The following PCDHGA2 variants were observed in gnomAD, a reference collection of about 807,000 sequenced individuals.
PCDHGA2 encodes the protein protocadherin gamma subfamily A, 2.
PCDHGA2 carries 40 observed loss-of-function variants against 59.2 expected under a neutral mutation model. The ratio of observed to expected loss-of-function variants is 0.68; its 90% CI spans 0.52 to 0.88. The LOEUF (loss-of-function observed/expected upper bound fraction) is 0.88. PCDHGA2 is among the 40% of genes least tolerant of loss of function. The probability of loss-of-function intolerance (pLI) is 0.00; values close to 1 mark genes in which losing one functional copy is unlikely to be tolerated. For missense variants in PCDHGA2, 1,226 were observed against 1,204.0 expected, an observed-to-expected ratio of 1.02 and a Z score of -0.27; for synonymous variants, 560 against 526.0, an observed-to-expected ratio of 1.06 and a Z score of -0.89.
chr5:141,476,523 C>G lies in PCDHGA2; in HGVS notation c.2425-18284C>G. On this transcript the variant is annotated intron_variant, in intron 1 of 3. Transcript: ENST00000394576. This position sits in a 1 kb window ranked among gnomAD's most constrained non-coding sequence, Gnocchi z 7.6. ...ATCAACGACAACAATCCTGCTTTCC[C>G]TACCCAGGAAATGAAATTGGAGATT... is the stretch of plus-strand genomic sequence containing the variant. 1 of 1,614,218 alleles carries G rather than the reference C, an allele frequency of 6.2e-7. No individual in the cohort carries two copies.
At chr5:141,380,956 A>G (rs1776884378) in intron 1 of PCDHGA2, among the ~76,000 whole-genome samples, 1 of 152,252 alleles carries the variant, frequency 6.6e-6, no homozygotes, top group African/African-American at 2.4e-5. Context: ...CAAGAAGTTC[A>G]AAAGTACTAT....
intron 1 of PCDHGA2, chr5:141,360,421 T>A: frequency 6.2e-7 from 1 of 1,613,968 alleles, no homozygotes; most frequent in Non-Finnish European, 8.5e-7. Flanking sequence ...AGAACAGATA[T>A]GCGGGAAGCA....
intron 1 of PCDHGA2, chr5:141,419,472 G>A (rs1392935171): frequency 6.2e-7 from 1 of 1,612,330 alleles, no homozygotes; most frequent in Non-Finnish European, 8.5e-7. Flanking sequence ...CGCGACCAGG[G>A]CTCGCCCGCG....
At chr5:141,392,922 G>A (rs2092629176) in intron 1 of PCDHGA2, 1 of 1,613,946 alleles carries the variant, frequency 6.2e-7, no homozygotes, top group African/African-American at 1.3e-5. Context: ...CTCTGTGCCA[G>A]AAGAGACGGA....
At chr5:141,382,597 A>G (rs1231482807) in intron 1 of PCDHGA2, 7 of 256,092 alleles carry the variant, frequency 2.7e-5, no homozygotes, top group African/African-American at 6.6e-5. Context: ...AGATGAAACA[A>G]TTTTCTATGA....
In PCDHGA2 at chr5:141,412,906, T is replaced by C. The variant is rs188124118; in HGVS notation, c.2424+71511T>C. ...ACAGAATAGTTTACTTTCCATTGCA[T>C]GTATCACTTGGGTGCAGTAACTTCT... On this transcript the variant is annotated intron_variant, in intron 1 of 3. Coordinates refer to ENST00000394576, the MANE Select transcript of PCDHGA2 (RefSeq NM_018915.4). 315 of 384,208 alleles carry C rather than the reference T, an allele frequency of 8.2e-4. 2 individuals carry two copies. Among genetic ancestry groups the C allele is most frequent in the African/African-American group, 5.6e-3 (272 of 48,326 alleles). The allele number at this position is 384,208 out of a possible 1,614,324, so 23.8% of individuals were successfully genotyped here. A position where few individuals can be genotyped will look rare whatever the true frequency, so the allele number is the denominator to read the frequency against.
chr5:141,487,031 G>A lies in PCDHGA2; in HGVS notation c.2425-7776G>A, dbSNP rs749130369. 1.2e-6 allele frequency: 2 copies of A among 1,614,182 alleles called. No homozygotes were observed. Among genetic ancestry groups the A allele is most frequent in the Non-Finnish European group, 1.7e-6 (2 of 1,180,028 alleles). On this transcript the variant is annotated intron_variant, in intron 1 of 3. Coordinates refer to ENST00000394576, the MANE Select transcript of PCDHGA2 (RefSeq NM_018915.4). The surrounding 1 kb of genome is among the most constrained non-coding windows in gnomAD (Gnocchi z 5.0). ...GGAGGCCCCAGATCCCAGCCTGTTT[G>A]CAGTCTCTCGATATGCTGGGGAGGT...
At chr5:141,379,014 T>C (rs1440666109) in intron 1 of PCDHGA2, 2 of 152,222 alleles carry the variant, frequency 1.3e-5, no homozygotes, top group South Asian at 4.1e-4. Context: ...TCTCCAGTCA[T>C]GAGTTGGAAG....
chr5:141,474,566 G>A (rs2154572064), intron 1 of PCDHGA2, among the ~76,000 whole-genome samples: 1 of 152,336 alleles, frequency 6.6e-6, no homozygotes, highest in Non-Finnish European at 1.5e-5. Flanking sequence ...GGTTTTCAGA[G>A]ATTAATTGAA....
At chr5:141,446,128 G>T (rs1242643475) in intron 1 of PCDHGA2, among the ~76,000 whole-genome samples, 1 of 152,188 alleles carries the variant, frequency 6.6e-6, no homozygotes, top group Admixed American at 6.5e-5. Context: ...GGTTCAATAA[G>T]ACTTAATAAT....
At chr5:141,496,888 T>TAA (rs35063790) in intron 2 of PCDHGA2, among the ~76,000 whole-genome samples, 141 of 134,106 alleles carry the variant, frequency 1.1e-3, no homozygotes, top group East Asian at 2.4e-3. Context: ...AAGTAACACT[T>TAA]AAAAAAAAAA....
chr5:141,446,800 G>C (rs1332771959), intron 1 of PCDHGA2, among the ~76,000 whole-genome samples: 1 of 152,150 alleles, frequency 6.6e-6, no homozygotes, highest in African/African-American at 2.4e-5. Flanking sequence ...TTCTTCCATT[G>C]TGATCATCTA....
Position 141,361,516 on chromosome 5 carries a change from G to A in PCDHGA2, c.2424+20121G>A, listed in dbSNP as rs750174731. ...CCAACAGACTTCCTACATGGTTCAC[G>A]TGGCAGAGAACAATCCTCCTGGCGC... is the stretch of plus-strand genomic sequence containing the variant. On this transcript the variant is annotated intron_variant, in intron 1 of 3. Coordinates refer to ENST00000394576, the MANE Select transcript of PCDHGA2 (RefSeq NM_018915.4). The A allele has an allele frequency of 8.7e-6, 14 of 1,613,942 alleles. No homozygotes were observed. Among genetic ancestry groups the A allele is most frequent in the South Asian group, 7.7e-5 (7 of 91,088 alleles).
chr5:141,370,997 C>A (rs1449241372), intron 1 of PCDHGA2: 1 of 1,613,866 alleles, frequency 6.2e-7, no homozygotes, highest in Non-Finnish European at 8.5e-7. Flanking sequence ...CACCCCTGGA[C>A]AGGGAAGAGC....
intron 1 of PCDHGA2, among the ~76,000 whole-genome samples, chr5:141,459,619 A>G (rs995987344): frequency 6.6e-6 from 1 of 152,238 alleles, no homozygotes; most frequent in Non-Finnish European, 1.5e-5. Context: ...TTAACTTTAT[A>G]AGAAGCTGCC....
intron 3 of PCDHGA2, 89 bp from the exon 4 acceptor site, chr5:141,510,858 T>C (rs992991460): frequency 5.8e-5 from 93 of 1,606,182 alleles, no homozygotes; most frequent in South Asian, 1.0e-4. Flanking sequence ...GGGTGCTGTA[T>C]AGGCATTCAT....
rs1758397732 is a variant in PCDHGA2, at chr5:141,350,060, G to A, written c.2424+8665G>A. 3 of 412,496 alleles carry A rather than the reference G, an allele frequency of 7.3e-6. No individual in the cohort carries two copies. In the East Asian group the frequency reaches 1.1e-4, roughly 15 times the overall value. 25.6% of individuals were successfully genotyped at this position (412,496 alleles called of 1,614,324 possible). On this transcript the variant is annotated intron_variant, in intron 1 of 3. Coordinates refer to ENST00000394576, the MANE Select transcript of PCDHGA2 (RefSeq NM_018915.4). ...GGGCGCCGCTGTCGACCAAAAGGAA[G>A]TGAAGGCTTCTCAATTCTGCAGGAG...
intron 1 of PCDHGA2, among the ~76,000 whole-genome samples, chr5:141,452,835 C>A (rs2098750110): frequency 6.6e-6 from 1 of 152,154 alleles, no homozygotes; most frequent in Admixed American, 6.5e-5. Flanking sequence ...TCACTTGGTC[C>A]AGCCCACACT....
chr5:141,491,312 C>T lies in PCDHGA2; in HGVS notation c.2425-3495C>T, dbSNP rs749198887. The stretch of plus-strand genomic sequence containing the variant: ...CACCCTCCTGAGCGTTCAGACCTTA[C>T]CCTTTACCTCATTGTGGCTCTAGCG... On this transcript the variant is annotated intron_variant, in intron 1 of 3. Transcript: ENST00000394576. The surrounding 1 kb of genome is among the most constrained non-coding windows in gnomAD (Gnocchi z 6.9). 3 of 1,614,170 alleles carry T rather than the reference C, an allele frequency of 1.9e-6. No individual in the cohort carries two copies. Among genetic ancestry groups the T allele is most frequent in the East Asian group, 4.5e-5 (2 of 44,878 alleles).
Sources: gnomAD v4.1 joint callset for allele counts (sites outside exome capture counted in the v4.1 genomes callset) on GRCh38, gnomAD v4.1.1 for gene constraint, Gnocchi (gnomAD v3.1) non-coding constraint, MANE v1.5 for transcripts, NCBI Gene and HGNC (gene_info 2026-07-23, HGNC 2026-07-21) for gene names.